ADGRA3: variants seen among roughly 807,000 people sequenced by gnomAD.
ADGRA3 encodes G-protein coupled receptor 125.
Under a neutral mutation model 119.8 loss-of-function variants are expected in ADGRA3, and 56 were observed. The ratio of observed to expected loss-of-function variants is 0.47; its 90% CI spans 0.38 to 0.58. The LOEUF (loss-of-function observed/expected upper bound fraction) is 0.58. Among genes scored for constraint, ADGRA3 ranks in the 20% least tolerant of loss-of-function variants. The pLI, the probability that ADGRA3 is intolerant of heterozygous loss-of-function variation, is 0.00. For synonymous variants in ADGRA3, 607 were observed against 623.8 expected (o/e 0.97, Z 0.40); for missense variants, 1,516 against 1,649.0 (o/e 0.92, Z 1.40).
intron 4 of ADGRA3, among the ~76,000 whole-genome samples, chr4:22,447,738 A>G (rs1716883379): frequency 6.6e-6 from 1 of 152,222 alleles, no homozygotes; most frequent in Non-Finnish European, 1.5e-5. Context: ...TTAAAAGCAT[A>G]TTAAAGCTAG....
intron 10 of ADGRA3, among the ~76,000 whole-genome samples, chr4:22,425,089 A>G (rs1466254348): frequency 6.6e-5 from 10 of 150,746 alleles, no homozygotes; most frequent in Admixed American, 6.6e-4. Flanking sequence ...AAAAAAAAAA[A>G]GGCAGGCAGG....
At chr4:22,511,049 C>A (rs151118666) in intron 1 of ADGRA3, among the ~76,000 whole-genome samples, 1 of 152,166 alleles carries the variant, frequency 6.6e-6, no homozygotes, top group Non-Finnish European at 1.5e-5. Flanking sequence ...AAACTCTACA[C>A]ACTATTTTAG....
intron 15 of ADGRA3, 96 bp downstream of exon 15, chr4:22,402,579 G>T: frequency 1.6e-6 from 2 of 1,269,388 alleles, no homozygotes; most frequent in Non-Finnish European, 2.2e-6. Context: ...TGGAAATACA[G>T]GATGATAACA....
chr4:22,450,212 G>A (rs558376664), intron 4 of ADGRA3, among the ~76,000 whole-genome samples: 44 of 151,062 alleles, frequency 2.9e-4, no homozygotes, highest in African/African-American at 1.1e-3. Context: ...ATCACAATAA[G>A]CTCATAGAAT....
At position 22,388,010 on chromosome 4, in the gene ADGRA3, G is replaced by A. The variant is rs1040664017; in HGVS notation, c.3661C>T (p.Arg1221Ter). The A allele has an allele frequency of 5.6e-6, 9 of 1,613,962 alleles. No homozygotes were observed. The highest frequency in any genetic ancestry group is 1.7e-5 in the Admixed American group (1 of 59,974). Residue 1221 changes from arginine (R) to a stop codon, truncating the protein, a stop_gained, in exon 19 of 19, where the codon CGA becomes TGA. Transcript: ENST00000334304. LOFTEE classifies it high-confidence loss of function. The part of the protein sequence containing the change: ...LGNNEGHSRS[R>*]RAYLAYRERQ... ...TCTCTGTAGGCTAAATAAGCTCTTCGGCTCCTCGAGTGTCCTTCGTTATTG... is the reference window on the plus strand; with the variant it reads ...TCTCTGTAGGCTAAATAAGCTCTTCAGCTCCTCGAGTGTCCTTCGTTATTG...
intron 16 of ADGRA3, among the ~76,000 whole-genome samples, chr4:22,398,553 A>T (rs2109002501): frequency 6.6e-6 from 1 of 152,174 alleles, no homozygotes. Flanking sequence ...ACCTCTGTTC[A>T]TCACTCCCTT....
chr4:22,444,426 C>T (rs1273457224), intron 6 of ADGRA3, among the ~76,000 whole-genome samples: 1 of 152,056 alleles, frequency 6.6e-6, no homozygotes, highest in Non-Finnish European at 1.5e-5. Flanking sequence ...GCTGAAATTA[C>T]AGTCACCTGC....
chr4:22,484,520 G>A (rs1301153649), intron 1 of ADGRA3, among the ~76,000 whole-genome samples: 3 of 151,526 alleles, frequency 2.0e-5, no homozygotes, highest in Admixed American at 6.6e-5. Context: ...CAAGAGAATC[G>A]CTTGAGCCCT....
At chr4:22,396,196 A>G (rs1028696985) in intron 16 of ADGRA3, among the ~76,000 whole-genome samples, 1 of 152,162 alleles carries the variant, frequency 6.6e-6, no homozygotes, top group Non-Finnish European at 1.5e-5. Context: ...CAGCACCTTT[A>G]GCAAAAGAGA....
intron 1 of ADGRA3, among the ~76,000 whole-genome samples, chr4:22,498,889 G>C (rs1349501743): frequency 2.0e-5 from 3 of 151,258 alleles, no homozygotes; most frequent in Non-Finnish European, 4.4e-5. Flanking sequence ...GCTCCAGCTT[G>C]GGCGACACAG....
At chr4:22,458,485 G>A (rs1433222667) in intron 3 of ADGRA3, among the ~76,000 whole-genome samples, 2 of 152,036 alleles carry the variant, frequency 1.3e-5, no homozygotes, top group Admixed American at 6.5e-5. Context: ...ACTCTTGGTC[G>A]GTGTTCGTAA....
At chr4:22,495,817 G>C (rs1362862639) in intron 1 of ADGRA3, among the ~76,000 whole-genome samples, 1 of 152,060 alleles carries the variant, frequency 6.6e-6, no homozygotes. Context: ...GCTGAGGCAG[G>C]AGAATGGCGT....
At chr4:22,458,492 G>A (rs1184077512) in intron 3 of ADGRA3, among the ~76,000 whole-genome samples, 5 of 152,134 alleles carry the variant, frequency 3.3e-5, no homozygotes, top group East Asian at 1.9e-4. Flanking sequence ...GTCGGTGTTC[G>A]TAATTCCATT....
chr4:22,438,044 G>A lies in ADGRA3; in HGVS notation c.1085+212C>T, dbSNP rs886282693. Among the ~76,000 whole-genome samples the A allele has an allele frequency of 2.0e-5, 3 of 152,128 alleles. No individual in the cohort carries two copies. In the South Asian group the frequency reaches 6.2e-4, roughly 32 times the overall value. On this transcript the variant is annotated intron_variant, in intron 8 of 18. Coordinates refer to ENST00000334304, the MANE Select transcript of ADGRA3 (RefSeq NM_145290.4). ...TGTTAAAAATGACTCTACTTTCAGA[G>A]ATTCTTCAATCAACAGGTCTGAGAT...
rs369656035 is a variant in ADGRA3 at position 22,468,415 on chromosome 4, C to T, written c.329+5357G>A. Among the ~76,000 whole-genome samples the T allele has an allele frequency of 3.3e-5, 5 of 152,202 alleles. No individual in the cohort carries two copies. In the East Asian group the frequency reaches 9.6e-4, roughly 29 times the overall value. ...AAGAGAATATGGGGGAGGTATGTCA[C>T]TAAATACTGGTAACAAAATATATAG... is the stretch of plus-strand genomic sequence containing the variant. On this transcript the variant is annotated intron_variant, in intron 2 of 18. Transcript: ENST00000334304.
In ADGRA3 at chr4:22,388,517, C is replaced by T. The variant is rs752767172; in HGVS notation, c.3154G>A (p.Asp1052Asn). The T allele has an allele frequency of 1.1e-5, 18 of 1,613,950 alleles. No homozygotes were observed. Among genetic ancestry groups the T allele is most frequent in the Non-Finnish European group, 1.4e-5 (17 of 1,180,014 alleles). Residue 1052 changes from aspartate (D) to asparagine (N), a missense_variant, in exon 19 of 19, where the codon GAT becomes AAT. Physicochemically the swap from Asp to Asn is conservative, Grantham distance 23. This residue lies in a region of ADGRA3 where 1,088 missense variants were observed against 1,107.1 expected (regional missense o/e 0.98). Transcript: ENST00000334304. ...FVVHHCVNRE[D>N]VRLAWIMTCC... ...GTCATGATCCACGCAAGTCTAACAT[C>T]CTCCCTATTAACACAATGGTGGACC... is the stretch of plus-strand genomic sequence containing the variant.
rs180702955 is a variant in ADGRA3 at position 22,410,071 on chromosome 4, A to G, written c.2232+3111T>C. ...GCTTTGAATACCATTTTAATCTATAAAATGACATATTAAGATGGTATTCAG... is the reference window on the plus strand; with the variant it reads ...GCTTTGAATACCATTTTAATCTATAGAATGACATATTAAGATGGTATTCAG... On this transcript the variant is annotated intron_variant, in intron 14 of 18. Coordinates refer to ENST00000334304, the MANE Select transcript of ADGRA3 (RefSeq NM_145290.4). Among the ~76,000 whole-genome samples, 810 of 152,318 alleles carry G rather than the reference A, an allele frequency of 5.3e-3. 30 individuals carry two copies. Among genetic ancestry groups the G allele is most frequent in the Admixed American group, 0.05 (766 of 15,300 alleles).
chr4:22,444,819 G>A (rs570346316), intron 6 of ADGRA3, among the ~76,000 whole-genome samples, 154 bp downstream of exon 6: 14 of 152,036 alleles, frequency 9.2e-5, no homozygotes, highest in African/African-American at 2.9e-4. Flanking sequence ...TGGCTTAATC[G>A]TTGGCATAAA....
intron 14 of ADGRA3, among the ~76,000 whole-genome samples, chr4:22,406,365 T>C (rs1714926528): frequency 6.6e-6 from 1 of 152,186 alleles, no homozygotes; most frequent in Non-Finnish European, 1.5e-5. Flanking sequence ...GATCATACGG[T>C]AGCTCTATTT....
Sources: gnomAD v4.1 joint callset for allele counts (sites outside exome capture counted in the v4.1 genomes callset) on GRCh38, gnomAD v4.1.1 for gene constraint, gnomAD v4.1.1 regional missense constraint, MANE v1.5 for transcripts, NCBI Gene and HGNC (gene_info 2026-07-23, HGNC 2026-07-21) for gene names.